MRM1: variants seen among roughly 807,000 people sequenced by gnomAD.
MRM1 encodes the protein mitochondrial rRNA methyltransferase 1.
In MRM1, 24 loss-of-function variants were observed where a neutral mutation model predicts 25.0. The observed-to-expected ratio is 0.96, with a 90% confidence interval of 0.69 to 1.35. The LOEUF is 1.35. Among genes scored for constraint, MRM1 ranks in the 40% most tolerant of loss-of-function variants. The pLI is 0.00. For missense variants in MRM1, 431 were observed against 464.1 expected (o/e 0.93, Z 0.65); for synonymous variants, 188 against 199.2 (o/e 0.94, Z 0.47).
chr17:36,627,873 G>A, the MRM1 span, among the ~76,000 whole-genome samples: 1 of 151,792 alleles, frequency 6.6e-6, no homozygotes, highest in Admixed American at 6.6e-5. Context: ...ATAGGGTATC[G>A]CCATGTTGGC....
the MRM1 span, among the ~76,000 whole-genome samples, chr17:36,619,622 C>T: frequency 6.6e-6 from 1 of 151,404 alleles, no homozygotes; most frequent in East Asian, 1.9e-4. Context: ...GAGCCAAGAT[C>T]GCACCACTGC....
chr17:36,617,016 G>A, the MRM1 span, among the ~76,000 whole-genome samples: 19 of 151,526 alleles, frequency 1.3e-4, no homozygotes, highest in East Asian at 2.2e-3. Flanking sequence ...ATGAACCACC[G>A]CCCAGGCTTT....
chr17:36,615,504 C>G, the MRM1 span, among the ~76,000 whole-genome samples: 1 of 152,030 alleles, frequency 6.6e-6, no homozygotes. Context: ...ACTATAAATA[C>G]AAAAATTAGC....
the MRM1 span, among the ~76,000 whole-genome samples, chr17:36,628,759 T>C: frequency 1.3e-5 from 2 of 152,284 alleles, no homozygotes; most frequent in African/African-American, 2.4e-5. Context: ...ACAATGCTCA[T>C]CACAACCCCA....
At chr17:36,625,791 G>A in the MRM1 span, among the ~76,000 whole-genome samples, 2 of 151,972 alleles carry the variant, frequency 1.3e-5, no homozygotes, top group Admixed American at 6.6e-5. Flanking sequence ...TCCCTTTGCT[G>A]TACCCACCCA....
chr17:36,606,687 A>G (rs994755461), intron 2 of MRM1, among the ~76,000 whole-genome samples: 2 of 149,700 alleles, frequency 1.3e-5, no homozygotes, highest in African/African-American at 5.0e-5. Context: ...AGCTCACTGC[A>G]ACCTCCGCCT....
the MRM1 span, among the ~76,000 whole-genome samples, chr17:36,624,264 G>T: frequency 6.6e-6 from 1 of 152,154 alleles, no homozygotes; most frequent in African/African-American, 2.4e-5. This position sits in a 1 kb window ranked among gnomAD's most constrained non-coding sequence, Gnocchi z 4.0. Flanking sequence ...CGGGGGAGAG[G>T]TGATCACCTT....
In MRM1 at chr17:36,601,615, T is replaced by A. The variant is rs2074866423; in HGVS notation, c.-196T>A. On this transcript the variant is annotated 5_prime_UTR_variant, in exon 1 of 5. Transcript: ENST00000614766. ...GAAGCGAGGGACCCACGTGGGAGCC[T>A]GGGAGCGGGTGGTCGTAGCTCGGTA... 2 of 520,258 alleles carry A rather than the reference T, an allele frequency of 3.8e-6. No individual in the cohort carries two copies. Among genetic ancestry groups the A allele is most frequent in the East Asian group, 3.2e-5 (1 of 31,164 alleles). The allele number at this position is 520,258 out of a possible 1,614,324, so 32.2% of individuals were successfully genotyped here.
At chr17:36,603,679 A>T (rs1394393846) in intron 2 of MRM1, among the ~76,000 whole-genome samples, 1 of 152,154 alleles carries the variant, frequency 6.6e-6, no homozygotes, top group Non-Finnish European at 1.5e-5. Flanking sequence ...GATTATAGGC[A>T]TGAGCCACCG....
chr17:36,609,672 A>G (rs1022577163), downstream of MRM1, among the ~76,000 whole-genome samples: 3 of 152,158 alleles, frequency 2.0e-5, no homozygotes, highest in African/African-American at 4.8e-5. Flanking sequence ...CGAACTTGCA[A>G]TCCTGACTGC....
chr17:36,606,324 T>G (rs2074927467), intron 2 of MRM1, among the ~76,000 whole-genome samples: 1 of 152,198 alleles, frequency 6.6e-6, no homozygotes, highest in South Asian at 2.1e-4. Context: ...TGCTAGGTGC[T>G]TAATAACTAT....
chr17:36,629,304 C>T, the MRM1 span, among the ~76,000 whole-genome samples: 2 of 152,202 alleles, frequency 1.3e-5, no homozygotes, highest in Non-Finnish European at 2.9e-5. Context: ...GGAAAAGTGT[C>T]ATCTGGACAC....
At chr17:36,614,902 G>A in the MRM1 span, among the ~76,000 whole-genome samples, 5 of 152,240 alleles carry the variant, frequency 3.3e-5, no homozygotes, top group Admixed American at 3.3e-4. Flanking sequence ...GGGGGTGGGT[G>A]GAAGGGGAGC....
rs2074878741 is a variant in MRM1, at chr17:36,602,128, A to G, written c.318A>G (p.Lys106=). 1 of 1,612,778 alleles carries G rather than the reference A, an allele frequency of 6.2e-7. No individual in the cohort carries two copies. The highest frequency in any genetic ancestry group is 1.3e-5 in the African/African-American group (1 of 74,930). The change falls in exon 1 of 5, where the codon AAA becomes AAG. Residue 106 remains lysine, a synonymous_variant. Coordinates refer to ENST00000614766, the MANE Select transcript of MRM1 (RefSeq NM_024864.5). This position sits in a 1 kb window ranked among gnomAD's most constrained non-coding sequence, Gnocchi z 4.1. ...DIPVLRPRRQ[K]LDTMCRYQVH... The stretch of plus-strand genomic sequence containing the variant: ...CAGTTCTGCGGCCCAGACGGCAGAA[A>G]CTGGACACAATGTGCCGCTACCAGG...
At chr17:36,614,113 G>A in the MRM1 span, among the ~76,000 whole-genome samples, 1 of 151,800 alleles carries the variant, frequency 6.6e-6, no homozygotes. Context: ...GATGAAAAGA[G>A]GCTTTTGAAG....
the MRM1 span, chr17:36,634,529 C>T: frequency 3.9e-5 from 6 of 152,358 alleles, no homozygotes; most frequent in Non-Finnish European, 8.8e-5. Flanking sequence ...AACATCGACT[C>T]ACACGGTCAT....
the MRM1 span, among the ~76,000 whole-genome samples, chr17:36,627,822 C>T: frequency 4.6e-5 from 7 of 151,954 alleles, no homozygotes; most frequent in South Asian, 2.1e-4. Flanking sequence ...TACAGGCACA[C>T]GCCACCACGC....
chr17:36,617,790 C>A, the MRM1 span, among the ~76,000 whole-genome samples: 1 of 152,258 alleles, frequency 6.6e-6, no homozygotes, highest in Non-Finnish European at 1.5e-5. Context: ...TTCTCCTCCC[C>A]CTTCACCTCT....
chr17:36,618,022 A>G, the MRM1 span, among the ~76,000 whole-genome samples: 2 of 152,086 alleles, frequency 1.3e-5, no homozygotes, highest in African/African-American at 4.8e-5. Flanking sequence ...GCTGATATTG[A>G]TGGGCAGAAT....
Sources: gnomAD v4.1 joint callset for allele counts (sites outside exome capture counted in the v4.1 genomes callset) on GRCh38, gnomAD v4.1.1 for gene constraint, Gnocchi (gnomAD v3.1) non-coding constraint, MANE v1.5 for transcripts, NCBI Gene and HGNC (gene_info 2026-07-23, HGNC 2026-07-21) for gene names.